Variants in ST18 observed in about 807,000 individuals in gnomAD.
ST18 encodes suppression of tumorigenicity 18 protein.
A neutral mutation model predicts 110.0 loss-of-function variants in ST18; 50 were observed. That is an observed-to-expected ratio of 0.45 (90% CI 0.36 to 0.58). The LOEUF (loss-of-function observed/expected upper bound fraction) is 0.58, where lower values mean the gene tolerates loss of function less well. Ranked by LOEUF, ST18 falls within the 20% of genes least tolerant of loss-of-function variation. ST18 has a pLI of 0.00. For synonymous variants in ST18, 461 were observed against 452.4 expected (o/e 1.02, Z -0.24); for missense variants, 1,306 against 1,280.1 (o/e 1.02, Z -0.31).
intron 15 of ST18, chr8:52,154,802 G>T (rs3860854): frequency 0.1 from 15,514 of 148,920 alleles, 1,685 homozygotes; most frequent in African/African-American, 0.28. Flanking sequence ...TCTCACATGA[G>T]CCCAGGAGTT....
intron 2 of ST18, among the ~76,000 whole-genome samples, chr8:52,234,641 CAT>C (rs949034700): frequency 2.2e-4 from 34 of 152,078 alleles, no homozygotes; most frequent in Admixed American, 1.4e-3. Context: ...CTTGCACACA[CAT>C]GTTTACAGCA....
chr8:52,145,673 A>G (rs1001694318), intron 16 of ST18, among the ~76,000 whole-genome samples: 2 of 152,140 alleles, frequency 1.3e-5, no homozygotes, highest in South Asian at 4.1e-4. Flanking sequence ...GTAAAAGAGG[A>G]TGTGGTATAT....
At chr8:52,235,714 A>G (rs997026559) in intron 2 of ST18, among the ~76,000 whole-genome samples, 1 of 152,248 alleles carries the variant, frequency 6.6e-6, no homozygotes, top group Admixed American at 6.5e-5. Flanking sequence ...AAATAATCTT[A>G]TGAACAGTTT....
rs199527592 is a variant in ST18 at position 52,136,598 on chromosome 8, C to G, written c.2292G>C (p.Gln764His). 2 of 1,611,090 alleles carry G rather than the reference C, an allele frequency of 1.2e-6. No homozygotes were observed. Among genetic ancestry groups the G allele is most frequent in the Non-Finnish European group, 1.7e-6 (2 of 1,178,944 alleles). The change falls in exon 19 of 26, where the codon CAG (glutamine) becomes CAC (histidine). Residue 764 changes from glutamine (Q) to histidine (H), a missense_variant. Physicochemically the swap from Gln to His is conservative, Grantham distance 24. Coordinates refer to ENST00000689386, the MANE Select transcript of ST18 (RefSeq NM_001352837.2). ...ACGCTTCCCGCACTTACTTAAGCTC[C>G]TGAGAGTTGGCAGCCATGAGGGATT... is the stretch of plus-strand genomic sequence containing the variant. Reference protein sequence around the residue: ...TLKSLMAANSQELKCPTPGCD... With the variant: ...TLKSLMAANSHELKCPTPGCD...
At chr8:52,210,795 T>G (rs528646095) in intron 8 of ST18, among the ~76,000 whole-genome samples, 1 of 152,312 alleles carries the variant, frequency 6.6e-6, no homozygotes, top group South Asian at 2.1e-4. Context: ...CTGCATGAAT[T>G]CTAACAGATA....
At chr8:52,116,753 A>G (rs1052103102) in intron 24 of ST18, among the ~76,000 whole-genome samples, 1 of 152,136 alleles carries the variant, frequency 6.6e-6, no homozygotes, top group Non-Finnish European at 1.5e-5. Context: ...TCCAGTCAGC[A>G]GCAACTCAAC....
chr8:52,220,224 T>A (rs2086119204), intron 5 of ST18, among the ~76,000 whole-genome samples: 2 of 152,242 alleles, frequency 1.3e-5, no homozygotes, highest in Admixed American at 1.3e-4. Flanking sequence ...TTGCAAAATA[T>A]GTCAATGTTA....
chr8:52,228,455 A>G (rs2090252597), intron 3 of ST18, among the ~76,000 whole-genome samples: 1 of 152,208 alleles, frequency 6.6e-6, no homozygotes, highest in Non-Finnish European at 1.5e-5. Flanking sequence ...ATTTTAAGCA[A>G]CGTGTGTTCA....
intron 2 of ST18, among the ~76,000 whole-genome samples, chr8:52,372,788 C>T (rs547121983): frequency 1.3e-5 from 2 of 152,146 alleles, no homozygotes; most frequent in African/African-American, 2.4e-5. Context: ...GTTTGCACAA[C>T]GACGAAGTCA....
intron 2 of ST18, among the ~76,000 whole-genome samples, chr8:52,339,676 C>T (rs1030355830): frequency 8.5e-5 from 13 of 152,246 alleles, no homozygotes; most frequent in African/African-American, 2.7e-4. Context: ...TCCGCACCAT[C>T]GCTTCACCCT....
chr8:52,317,277 TA>T (rs1453213047), intron 2 of ST18, among the ~76,000 whole-genome samples: 1 of 152,162 alleles, frequency 6.6e-6, no homozygotes, highest in Non-Finnish European at 1.5e-5. Context: ...CTAAATCCAA[TA>T]ATATGTCCTT....
chr8:52,139,642 C>T (rs1321151967), intron 17 of ST18, among the ~76,000 whole-genome samples: 2 of 152,188 alleles, frequency 1.3e-5, no homozygotes, highest in Non-Finnish European at 2.9e-5. Context: ...AGGCATGAGC[C>T]ACCGCGCCCG....
At chr8:52,372,787 A>G (rs954978246) in intron 2 of ST18, among the ~76,000 whole-genome samples, 1 of 152,214 alleles carries the variant, frequency 6.6e-6, no homozygotes, top group African/African-American at 2.4e-5. Flanking sequence ...TGTTTGCACA[A>G]CGACGAAGTC....
At chr8:52,242,470 G>A (rs1357497698) in intron 2 of ST18, among the ~76,000 whole-genome samples, 1 of 152,190 alleles carries the variant, frequency 6.6e-6, no homozygotes, top group African/African-American at 2.4e-5. Context: ...TGATAAACAG[G>A]GAATGCTAGC....
chr8:52,184,660 T>C (rs1235034571), intron 8 of ST18, among the ~76,000 whole-genome samples: 1 of 152,176 alleles, frequency 6.6e-6, no homozygotes, highest in African/African-American at 2.4e-5. Flanking sequence ...CCTCCACATC[T>C]AGAGTTTTCA....
chr8:52,256,880 G>A (rs1391883508), intron 2 of ST18, among the ~76,000 whole-genome samples: 1 of 152,044 alleles, frequency 6.6e-6, no homozygotes, highest in Non-Finnish European at 1.5e-5. Flanking sequence ...TTGTTAGCAA[G>A]ATTTTAGAAC....
chr8:52,215,963 A>G (rs983187894), intron 6 of ST18, among the ~76,000 whole-genome samples: 25 of 152,230 alleles, frequency 1.6e-4, no homozygotes, highest in African/African-American at 5.8e-4. Context: ...AAACCAACAC[A>G]TATTTCTGAG....
intron 2 of ST18, among the ~76,000 whole-genome samples, chr8:52,243,050 T>C (rs2093568146): frequency 6.6e-6 from 1 of 152,134 alleles, no homozygotes; most frequent in African/African-American, 2.4e-5. Context: ...TTCTAGCTAT[T>C]TGGCCAAATG....
chr8:52,345,830 A>T (rs1817483313), intron 2 of ST18, among the ~76,000 whole-genome samples: 1 of 152,208 alleles, frequency 6.6e-6, no homozygotes, highest in Non-Finnish European at 1.5e-5. Flanking sequence ...ATTCCTAGTG[A>T]TTAAACCCTT....
Sources: allele counts gnomAD v4.1 joint callset (sites outside exome capture counted in the v4.1 genomes callset), GRCh38; gene constraint gnomAD v4.1.1; transcripts MANE v1.5; gene names NCBI Gene and HGNC (gene_info 2026-07-23, HGNC 2026-07-21).